The following A1CF variants were observed in gnomAD, a reference collection of about 807,000 sequenced individuals.
The protein encoded by A1CF is APOBEC-1 stimulating protein.
A neutral mutation model predicts 68.9 loss-of-function variants in A1CF; 48 were observed. That is an observed-to-expected ratio of 0.70 (90% CI 0.55 to 0.89). The LOEUF (loss-of-function observed/expected upper bound fraction) is 0.89. A1CF is among the 40% of genes least tolerant of loss of function. A1CF has a pLI of 0.00. For synonymous variants in A1CF, 272 were observed against 260.4 expected, an observed-to-expected ratio of 1.04 and a Z score of -0.43; for missense variants, 653 against 718.9, an observed-to-expected ratio of 0.91 and a Z score of 1.05.
intron 6 of A1CF, 180 bp from the exon 7 acceptor site, chr10:50,828,475 G>T: frequency 2.3e-6 from 1 of 437,102 alleles, no homozygotes; most frequent in South Asian, 7.6e-5. Context: ...CTGATTAGAA[G>T]GGAGTTCTGT....
At chr10:50,808,831 A>T (rs575473127) in intron 12 of A1CF, among the ~76,000 whole-genome samples, 1 of 152,252 alleles carries the variant, frequency 6.6e-6, no homozygotes, top group East Asian at 1.9e-4. Context: ...CCCCAGGTGC[A>T]GTGGGTGTGA....
chr10:50,866,206 T>A (rs949998367), intron 1 of A1CF, among the ~76,000 whole-genome samples: 1 of 152,268 alleles, frequency 6.6e-6, no homozygotes, highest in Non-Finnish European at 1.5e-5. Flanking sequence ...TATGTCATCA[T>A]ACTTGTGAGA....
intron 11 of A1CF, among the ~76,000 whole-genome samples, chr10:50,810,592 A>AGCCTGCTGAGTAACTATGACTACAGGC (rs1411805835): frequency 6.6e-6 from 1 of 152,176 alleles, no homozygotes; most frequent in Non-Finnish European, 1.5e-5. Flanking sequence ...CTCCTGCCTC[A>AGCCTGCTGAGTAACTATGACTACAGGC]GCCTGCTGAG....
intron 3 of A1CF, among the ~76,000 whole-genome samples, chr10:50,856,171 G>C (rs557741512): frequency 1.3e-5 from 2 of 152,098 alleles, no homozygotes; most frequent in Non-Finnish European, 2.9e-5. Context: ...AAATAGTTGG[G>C]TATTGCGTAC....
chr10:50,840,251 A>G (rs903601370), intron 5 of A1CF, among the ~76,000 whole-genome samples: 1 of 151,474 alleles, frequency 6.6e-6, no homozygotes, highest in Non-Finnish European at 1.5e-5. Flanking sequence ...CTGCATCTAG[A>G]ATTGATGAAC....
chr10:50,846,779 T>C (rs1029319493), intron 3 of A1CF, among the ~76,000 whole-genome samples: 2 of 152,132 alleles, frequency 1.3e-5, no homozygotes, highest in African/African-American at 4.8e-5. Flanking sequence ...AGAAAGCATA[T>C]TAATTGTCTT....
At chr10:50,883,823 G>C (rs1841887234) in intron 1 of A1CF, among the ~76,000 whole-genome samples, 1 of 152,198 alleles carries the variant, frequency 6.6e-6, no homozygotes, top group Non-Finnish European at 1.5e-5. Context: ...CTCTGGATCA[G>C]ACTACCAGAC....
At chr10:50,846,538 C>G (rs1157745826) in intron 3 of A1CF, among the ~76,000 whole-genome samples, 1 of 152,152 alleles carries the variant, frequency 6.6e-6, no homozygotes. Context: ...TTTTACCCTT[C>G]AAGTTGAGGA....
intron 11 of A1CF, 45 bp from the exon 12 acceptor site, chr10:50,810,087 A>G: frequency 1.2e-5 from 19 of 1,606,388 alleles, no homozygotes; most frequent in South Asian, 2.2e-5. Flanking sequence ...AACTGGTACA[A>G]CTGAGTCAGG....
intron 1 of A1CF, among the ~76,000 whole-genome samples, chr10:50,883,561 A>G (rs1429498055): frequency 2.0e-5 from 3 of 152,170 alleles, no homozygotes; most frequent in Non-Finnish European, 2.9e-5. Flanking sequence ...GATTATTTCA[A>G]TGGATTCTGA....
At chr10:50,828,381 A>G in intron 6 of A1CF, 86 bp from the exon 7 acceptor site, 1 of 1,160,190 alleles carries the variant, frequency 8.6e-7, no homozygotes, top group Admixed American at 2.5e-5. Flanking sequence ...TTTTAAATTG[A>G]CCTGACCCTT....
chr10:50,883,509 G>A (rs902814558), intron 1 of A1CF, among the ~76,000 whole-genome samples: 1 of 152,140 alleles, frequency 6.6e-6, no homozygotes, highest in Non-Finnish European at 1.5e-5. Context: ...GTCCTATTTG[G>A]TGGAAGACTA....
intron 1 of A1CF, among the ~76,000 whole-genome samples, chr10:50,872,549 C>T (rs1056289951): frequency 2.0e-5 from 3 of 152,062 alleles, no homozygotes; most frequent in African/African-American, 7.2e-5. Context: ...ATCTACCCTG[C>T]CTGCCTTAAA....
intron 4 of A1CF, among the ~76,000 whole-genome samples, chr10:50,842,282 A>G (rs550949909): frequency 2.0e-5 from 3 of 152,340 alleles, no homozygotes; most frequent in African/African-American, 7.2e-5. Flanking sequence ...ATGACCTTTT[A>G]TCACATAATT....
At chr10:50,824,251 C>A (rs765984954) in intron 7 of A1CF, 9 of 151,982 alleles carry the variant, frequency 5.9e-5, no homozygotes, top group Non-Finnish European at 8.8e-5. Context: ...TAGTAGGATC[C>A]GGGCACACAT....
intron 1 of A1CF, among the ~76,000 whole-genome samples, chr10:50,882,091 A>T (rs542808971): frequency 1.6e-4 from 25 of 152,352 alleles, no homozygotes; most frequent in African/African-American, 6.0e-4. Context: ...AATCAAAAAT[A>T]TTCAATACAA....
rs566789226 is a variant in A1CF at position 50,858,412 on chromosome 10, A to C, written c.99+1430T>G. On this transcript the variant is annotated intron_variant, in intron 3 of 12. Coordinates refer to ENST00000373997, the MANE Select transcript of A1CF (RefSeq NM_014576.4). ...TCATAAATTCTGCTTGTTGGGTATA[A>C]TAATTATACATTCATAATTTACTTA... Among the ~76,000 whole-genome samples, 167 of 152,244 alleles carry C rather than the reference A, an allele frequency of 1.1e-3. 1 individual carries two copies. The highest frequency in any genetic ancestry group is 3.9e-3 in the African/African-American group (161 of 41,570).
chr10:50,828,340 G>A, intron 6 of A1CF, 45 bp from the exon 7 acceptor site: 7 of 1,414,768 alleles, frequency 4.9e-6, no homozygotes, highest in Non-Finnish European at 6.6e-6. Context: ...TAGGAATCAG[G>A]ACAACATCAT....
At chr10:50,858,369 T>A (rs2132521053) in intron 3 of A1CF, among the ~76,000 whole-genome samples, 1 of 152,250 alleles carries the variant, frequency 6.6e-6, no homozygotes, top group Admixed American at 6.5e-5. Flanking sequence ...ATAATTTATA[T>A]TGTTTTAGGA....
Sources: gnomAD v4.1 joint callset for allele counts (sites outside exome capture counted in the v4.1 genomes callset) on GRCh38, gnomAD v4.1.1 for gene constraint, MANE v1.5 for transcripts, NCBI Gene and HGNC (gene_info 2026-07-23, HGNC 2026-07-21) for gene names.